The following NR2F1-AS1 variants were observed in gnomAD, a reference collection of about 807,000 sequenced individuals.
NR2F1-AS1 encodes NR2F1 regulatory antisense RNA 1.
At chr5:93,437,816 C>T (rs1450051719) in intron 4 of NR2F1-AS1, among the ~76,000 whole-genome samples, 1 of 152,156 alleles carries the variant, frequency 6.6e-6, no homozygotes, top group Admixed American at 6.6e-5. Flanking sequence ...TTTATTATCT[C>T]ATTTCTATAA....
intron 4 of NR2F1-AS1, among the ~76,000 whole-genome samples, chr5:93,460,474 A>C (rs1750064356): frequency 6.6e-6 from 1 of 152,222 alleles, no homozygotes; most frequent in Non-Finnish European, 1.5e-5. Flanking sequence ...CTTGTCAATG[A>C]GAATGATGAG....
chr5:93,455,406 A>C (rs1184186673), intron 4 of NR2F1-AS1, among the ~76,000 whole-genome samples: 4 of 152,204 alleles, frequency 2.6e-5, no homozygotes, highest in African/African-American at 7.2e-5. Context: ...AAATTAAAAC[A>C]AAGAGGTATA....
intron 1 of NR2F1-AS1, among the ~76,000 whole-genome samples, chr5:93,569,224 G>A (rs1448454550): frequency 2.0e-5 from 3 of 152,244 alleles, no homozygotes; most frequent in Admixed American, 1.3e-4. Context: ...TACACAGGAA[G>A]ACAGAAGAGA....
At chr5:93,477,453 C>G (rs1287960585) in intron 4 of NR2F1-AS1, among the ~76,000 whole-genome samples, 1 of 152,058 alleles carries the variant, frequency 6.6e-6, no homozygotes, top group African/African-American at 2.4e-5. Context: ...CATGATATAG[C>G]TAATATTTTG....
intron 4 of NR2F1-AS1, among the ~76,000 whole-genome samples, chr5:93,524,321 G>T (rs1006417609): frequency 3.3e-5 from 5 of 151,946 alleles, no homozygotes; most frequent in African/African-American, 1.2e-4. Flanking sequence ...AGAATGAAAA[G>T]GAATGAACAA....
At chr5:93,491,233 T>C (rs1349676148) in intron 4 of NR2F1-AS1, among the ~76,000 whole-genome samples, 5 of 150,712 alleles carry the variant, frequency 3.3e-5, no homozygotes, top group Non-Finnish European at 7.4e-5. Flanking sequence ...ATGGAGGTTG[T>C]AGTTATGGTG....
At chr5:93,505,235 G>A (rs923250664) in intron 4 of NR2F1-AS1, among the ~76,000 whole-genome samples, 1 of 152,172 alleles carries the variant, frequency 6.6e-6, no homozygotes, top group South Asian at 2.1e-4. Context: ...GCAAGAGGTC[G>A]GTTCCCATGG....
At chr5:93,493,482 A>G (rs1750894182) in intron 4 of NR2F1-AS1, among the ~76,000 whole-genome samples, 1 of 152,092 alleles carries the variant, frequency 6.6e-6, no homozygotes, top group African/African-American at 2.4e-5. Context: ...AATATTACCC[A>G]AATCAATCTA....
chr5:93,493,286 C>T (rs1430252302), intron 4 of NR2F1-AS1, among the ~76,000 whole-genome samples: 1 of 151,898 alleles, frequency 6.6e-6, no homozygotes, highest in Non-Finnish European at 1.5e-5. Context: ...ATTCCATTTA[C>T]AATAGCACCC....
At chr5:93,447,662 C>G (rs745418398) in intron 4 of NR2F1-AS1, among the ~76,000 whole-genome samples, 1 of 152,208 alleles carries the variant, frequency 6.6e-6, no homozygotes, top group Non-Finnish European at 1.5e-5. Context: ...CCTCAAGGAT[C>G]TACAACTAGA....
At chr5:93,445,899 T>C (rs990809654) in intron 4 of NR2F1-AS1, among the ~76,000 whole-genome samples, 38 of 152,050 alleles carry the variant, frequency 2.5e-4, no homozygotes, top group African/African-American at 8.9e-4. Context: ...GTTCAACATA[T>C]GCAAATCAAT....
intron 4 of NR2F1-AS1, among the ~76,000 whole-genome samples, chr5:93,520,267 T>C (rs1171346865): frequency 6.6e-6 from 1 of 152,078 alleles, no homozygotes; most frequent in Non-Finnish European, 1.5e-5. Flanking sequence ...AATATATTTG[T>C]TTTGGTTACT....
chr5:93,425,753 G>A (rs1018312750), intron 4 of NR2F1-AS1, among the ~76,000 whole-genome samples: 5 of 151,922 alleles, frequency 3.3e-5, no homozygotes, highest in Admixed American at 1.3e-4. Flanking sequence ...TCCCTCATAC[G>A]TTCCCATGAT....
At position 93,579,787 on chromosome 5, in the gene NR2F1-AS1, C is replaced by A. The variant is rs992661338; in HGVS notation, n.313+680G>T. Among the ~76,000 whole-genome samples the A allele has an allele frequency of 6.6e-6, 1 of 152,214 alleles. No individual in the cohort carries two copies. Among genetic ancestry groups the A allele is most frequent in the Non-Finnish European group, 1.5e-5 (1 of 68,042 alleles). On this transcript the variant is annotated intron_variant and non_coding_transcript_variant, in intron 1 of 5. Coordinates refer to ENST00000660523, the Ensembl canonical transcript of NR2F1-AS1. This position sits in a 1 kb window ranked among gnomAD's most constrained non-coding sequence, Gnocchi z 5.1. ...CTCCCCGCCCCCAGCCGGCTGGCAGCGGCGCAGGGAGTCTGGCTCGGCTGC... is the reference window on the plus strand; with the variant it reads ...CTCCCCGCCCCCAGCCGGCTGGCAGAGGCGCAGGGAGTCTGGCTCGGCTGC...
chr5:93,428,073 A>G lies in NR2F1-AS1; in HGVS notation n.639-32531T>C, dbSNP rs1194028054. ...TAGTTATGGATGCTATACAGTATAG[A>G]ATGAGCAATCAAATAATTGCCTAAA... On this transcript the variant is annotated intron_variant and non_coding_transcript_variant, in intron 4 of 5. Coordinates refer to ENST00000660523, the Ensembl canonical transcript of NR2F1-AS1. 3.3e-5 allele frequency among the ~76,000 whole-genome samples: 5 copies of G among 152,240 alleles called. No individual in the cohort carries two copies. The East Asian group carries it at 7.7e-4, about 23-fold the overall frequency.
At chr5:93,584,949 T>A, upstream of NR2F1-AS1, 1 of 154,146 alleles carries the variant, frequency 6.5e-6, no homozygotes, top group Non-Finnish European at 8.2e-6. Context: ...CCCCTTCCCC[T>A]CCCAGCGCGC....
At chr5:93,441,836 A>T (rs1376316059) in intron 4 of NR2F1-AS1, among the ~76,000 whole-genome samples, 3 of 149,610 alleles carry the variant, frequency 2.0e-5, no homozygotes, top group African/African-American at 7.4e-5. Context: ...AGGCAGTCAT[A>T]ATTTTGTAAG....
chr5:93,443,738 C>T (rs1488392570), intron 4 of NR2F1-AS1, among the ~76,000 whole-genome samples: 1 of 152,118 alleles, frequency 6.6e-6, no homozygotes, highest in Non-Finnish European at 1.5e-5. Context: ...AACTCCAAGA[C>T]ACATAATTGT....
chr5:93,508,403 A>T (rs1751230627), intron 4 of NR2F1-AS1, among the ~76,000 whole-genome samples: 1 of 152,174 alleles, frequency 6.6e-6, no homozygotes, highest in African/African-American at 2.4e-5. Flanking sequence ...TTTCATAATG[A>T]TACTGAGAAA....
Sources: gnomAD v4.1 joint callset for allele counts (sites outside exome capture counted in the v4.1 genomes callset) on GRCh38, gnomAD v4.1.1 for gene constraint, Gnocchi (gnomAD v3.1) non-coding constraint, MANE v1.5 for transcripts, NCBI Gene and HGNC (gene_info 2026-07-23, HGNC 2026-07-21) for gene names.